The following FBXL7 variants were observed in gnomAD, a reference collection of about 807,000 sequenced individuals.
The protein encoded by FBXL7 is F-box/LRR-repeat protein 7.
In FBXL7, 12 loss-of-function variants were observed where a neutral mutation model predicts 38.3. The observed-to-expected ratio is 0.31, with a 90% CI of 0.20 to 0.51. FBXL7 has a LOEUF of 0.51. Ranked by LOEUF, FBXL7 falls within the 20% of genes least tolerant of loss-of-function variation. FBXL7 has a pLI of 0.98. For synonymous variants in FBXL7, 297 were observed against 300.9 expected (o/e 0.99, Z 0.13); for missense variants, 567 against 676.4 (o/e 0.84, Z 1.79).
intron 2 of FBXL7, among the ~76,000 whole-genome samples, chr5:15,768,946 G>C (rs77146362): frequency 6.3e-4 from 96 of 152,360 alleles, no homozygotes; most frequent in African/African-American, 2.2e-3. Context: ...CAGTAATTGA[G>C]TCAATAAGAC....
chr5:15,871,385 G>T (rs1198092165), intron 2 of FBXL7, among the ~76,000 whole-genome samples: 1 of 152,150 alleles, frequency 6.6e-6, no homozygotes, highest in Non-Finnish European at 1.5e-5. Context: ...AAACTAGAAT[G>T]CCTCTTCTCC....
intron 2 of FBXL7, among the ~76,000 whole-genome samples, chr5:15,769,959 A>C (rs1316791498): frequency 6.6e-6 from 1 of 152,210 alleles, no homozygotes; most frequent in Non-Finnish European, 1.5e-5. Context: ...AGAGATAAGA[A>C]TATTTCATGA....
chr5:15,522,372 T>C (rs958331892), intron 1 of FBXL7, among the ~76,000 whole-genome samples: 13 of 152,222 alleles, frequency 8.5e-5, no homozygotes, highest in African/African-American at 3.1e-4. Context: ...TATTTGTTTC[T>C]CATAATTGTA....
intron 1 of FBXL7, among the ~76,000 whole-genome samples, chr5:15,608,463 G>A (rs1740107250): frequency 1.3e-5 from 2 of 152,184 alleles, no homozygotes; most frequent in Admixed American, 1.3e-4. Flanking sequence ...ATATGGGTCT[G>A]TTGCTGTGGT....
Position 15,677,232 on chromosome 5 carries a change from G to C in FBXL7, c.127+61160G>C, listed in dbSNP as rs111722013. ...CGCCGGAAATCCCAACACTTTGGGA[G>C]GCCAAGGCGGGCAGATCTCTTGAGG... On this transcript the variant is annotated intron_variant, in intron 2 of 3. Coordinates refer to ENST00000504595, the MANE Select transcript of FBXL7 (RefSeq NM_012304.5). 5.2e-3 allele frequency among the ~76,000 whole-genome samples: 799 copies of C among 152,332 alleles called. 6 individuals are homozygous for C. Among genetic ancestry groups the C allele is most frequent in the African/African-American group, 0.018 (752 of 41,580 alleles).
intron 1 of FBXL7, among the ~76,000 whole-genome samples, chr5:15,591,597 C>T (rs1259342936): frequency 6.6e-6 from 1 of 152,136 alleles, no homozygotes; most frequent in Admixed American, 6.5e-5. Context: ...GTGGCAGCTT[C>T]CATTTTTCTC....
intron 1 of FBXL7, among the ~76,000 whole-genome samples, chr5:15,601,493 ACT>A (rs892969357): frequency 2.0e-5 from 3 of 151,976 alleles, no homozygotes; most frequent in African/African-American, 7.3e-5. Context: ...ATCTGTGTTA[ACT>A]CTTGCACAAT....
At chr5:15,805,129 C>T (rs537199723) in intron 2 of FBXL7, among the ~76,000 whole-genome samples, 40 of 152,258 alleles carry the variant, frequency 2.6e-4, no homozygotes, top group African/African-American at 7.7e-4. Flanking sequence ...TCAGGGGCCA[C>T]GCTAATGACT....
At chr5:15,756,275 CTTATA>C (rs1446419714) in intron 2 of FBXL7, among the ~76,000 whole-genome samples, 1 of 151,946 alleles carries the variant, frequency 6.6e-6, no homozygotes, top group East Asian at 1.9e-4. Flanking sequence ...TTAACAATTC[CTTATA>C]TTAAGAGGAA....
rs1424952265 is a variant in FBXL7, at chr5:15,576,124, C to T, written c.38-39859C>T. ...TGAGATGGAGTTTTGCTCTTGTTGC[C>T]CAGGCTGGAGTGCAATGGCGTGATC... On this transcript the variant is annotated intron_variant, in intron 1 of 3. Transcript: ENST00000504595. Among the ~76,000 whole-genome samples, 14 of 130,200 alleles carry T rather than the reference C, an allele frequency of 1.1e-4. No individual in the cohort carries two copies. In the Admixed American group the frequency reaches 1.2e-3, roughly 11 times the overall value. 85.4% of individuals were successfully genotyped at this position (130,200 alleles called of 152,430 possible). A position where few individuals can be genotyped will look rare whatever the true frequency, so the allele number is the denominator to read the frequency against.
intron 1 of FBXL7, among the ~76,000 whole-genome samples, chr5:15,542,579 A>G (rs1737786182): frequency 6.6e-6 from 1 of 152,196 alleles, no homozygotes; most frequent in Non-Finnish European, 1.5e-5. Flanking sequence ...TATAACTGTC[A>G]TTATTCCTTT....
chr5:15,796,082 G>T (rs978372360), intron 2 of FBXL7, among the ~76,000 whole-genome samples: 9 of 152,260 alleles, frequency 5.9e-5, no homozygotes, highest in South Asian at 2.1e-4. Flanking sequence ...GATGTAATAG[G>T]ATTCTCAGAA....
chr5:15,819,249 G>A lies in FBXL7; in HGVS notation c.128-108641G>A, dbSNP rs1354536868. On this transcript the variant is annotated intron_variant, in intron 2 of 3. Coordinates refer to ENST00000504595, the MANE Select transcript of FBXL7 (RefSeq NM_012304.5). ...GGAGTTGGCCCGCAAGCCTTCATTTGCTCTCAGGGATCCTGTAAGATAGGT... is the reference window on the plus strand; with the variant it reads ...GGAGTTGGCCCGCAAGCCTTCATTTACTCTCAGGGATCCTGTAAGATAGGT... Among the ~76,000 whole-genome samples, 27 of 152,004 alleles carry A rather than the reference G, an allele frequency of 1.8e-4. 1 individual carries two copies. Among genetic ancestry groups the A allele is most frequent in the Admixed American group, 1.8e-3 (27 of 15,248 alleles).
intron 2 of FBXL7, among the ~76,000 whole-genome samples, chr5:15,652,401 G>T (rs1328737842): frequency 6.6e-6 from 1 of 152,052 alleles, no homozygotes; most frequent in African/African-American, 2.4e-5. Flanking sequence ...CGAGTAGCTG[G>T]GACTACAGGT....
intron 2 of FBXL7, among the ~76,000 whole-genome samples, chr5:15,624,643 A>G (rs895381701): frequency 1.3e-5 from 2 of 152,226 alleles, no homozygotes; most frequent in African/African-American, 2.4e-5. Flanking sequence ...TGAAGTTAAC[A>G]TCATTTTCGA....
At chr5:15,516,860 G>C (rs970717563) in intron 1 of FBXL7, among the ~76,000 whole-genome samples, 1 of 152,184 alleles carries the variant, frequency 6.6e-6, no homozygotes, top group African/African-American at 2.4e-5. Flanking sequence ...TTCCCCTTCT[G>C]CCGTGATTGT....
chr5:15,623,736 T>G (rs1334658763), intron 2 of FBXL7, among the ~76,000 whole-genome samples: 1 of 152,236 alleles, frequency 6.6e-6, no homozygotes, highest in Non-Finnish European at 1.5e-5. Context: ...TTTTCAAAAC[T>G]CTACAACAAT....
At chr5:15,894,297 A>G (rs1286794115) in intron 2 of FBXL7, among the ~76,000 whole-genome samples, 1 of 152,236 alleles carries the variant, frequency 6.6e-6, no homozygotes, top group Non-Finnish European at 1.5e-5. Context: ...AACAAACAAA[A>G]AAGAATATCA....
intron 2 of FBXL7, among the ~76,000 whole-genome samples, chr5:15,720,166 T>A (rs1218251011): frequency 6.7e-6 from 1 of 149,070 alleles, no homozygotes; most frequent in South Asian, 2.2e-4. Context: ...AGTAAACCAG[T>A]CATTCATTAG....
Sources: allele counts gnomAD v4.1 joint callset (sites outside exome capture counted in the v4.1 genomes callset), GRCh38; gene constraint gnomAD v4.1.1; transcripts MANE v1.5; gene names NCBI Gene and HGNC (gene_info 2026-07-23, HGNC 2026-07-21).